Variants in MSS51 observed in about 807,000 individuals in gnomAD.
MSS51 encodes the protein putative protein MSS51 homolog, mitochondrial.
A neutral mutation model predicts 40.2 loss-of-function variants in MSS51; 32 were observed. The observed-to-expected ratio is 0.80, with a 90% confidence interval of 0.60 to 1.07. The LOEUF (loss-of-function observed/expected upper bound fraction) is 1.07. MSS51 is among the 50% of genes least tolerant of loss of function. The pLI, the probability that MSS51 is intolerant of heterozygous loss-of-function variation, is 0.00. For synonymous variants in MSS51, 178 were observed against 214.2 expected, an observed-to-expected ratio of 0.83 and a Z score of 1.48; for missense variants, 518 against 568.9, an observed-to-expected ratio of 0.91 and a Z score of 0.91.
rs2055969164 is a variant in MSS51 at position 73,424,757 on chromosome 10, T to C, written c.1179A>G (p.Val393=). Residue 393 remains valine (V), a synonymous_variant, in exon 7 of 7, where the codon GTA becomes GTG. Coordinates refer to ENST00000299432, the MANE Select transcript of MSS51 (RefSeq NM_001024593.2). ...LITVYSHQEL[V]SSLQILVELD... ...GTTCCACCAGAATCTGCAAAGAGGA[T>C]ACCAACTCCTGATGGCTGTAGAAGA... 6.2e-7 allele frequency: 1 copy of C among 1,613,594 alleles called. No individual in the cohort carries two copies. The highest frequency in any genetic ancestry group is 1.1e-5 in the South Asian group (1 of 91,068).
chr10:73,432,466 TA>T (rs1180836560), intron 1 of MSS51, among the ~76,000 whole-genome samples: 2 of 152,166 alleles, frequency 1.3e-5, no homozygotes, highest in Non-Finnish European at 2.9e-5. Context: ...TCCCTGAAGT[TA>T]AAACATAAGC....
chr10:73,426,102 T>C lies in MSS51; in HGVS notation c.778A>G (p.Thr260Ala). 1.2e-6 allele frequency: 2 copies of C among 1,614,118 alleles called. No homozygotes were observed. The highest frequency in any genetic ancestry group is 1.7e-6 in the Non-Finnish European group (2 of 1,179,988). The change falls in exon 5 of 7, where the codon ACT (threonine) becomes GCT (alanine). Residue 260 changes from threonine to alanine, a missense_variant. Physicochemically the swap from Thr to Ala is moderately conservative, Grantham distance 58. Coordinates refer to ENST00000299432, the MANE Select transcript of MSS51 (RefSeq NM_001024593.2). ...LRALGIDVRR[T>A]GGSTVHVVGA... ...ACCACATGCACTGTGCTTCCCCCAG[T>C]CCTCCTAACATCTATCCCCAAGGCC...
chr10:73,425,213 G>GGGAATA, intron 5 of MSS51, 22 bp from the exon 6 acceptor site: 2 of 1,516,182 alleles, frequency 1.3e-6, no homozygotes, highest in South Asian at 2.5e-5. Context: ...AAATGAAAAT[G>GGGAATA]GGAATAGGGA....
intron 3 of MSS51, 91 bp downstream of exon 3, chr10:73,427,522 C>T (rs2055997817): frequency 4.3e-6 from 6 of 1,409,050 alleles, no homozygotes; most frequent in Non-Finnish European, 5.8e-6. Context: ...CCTCGGCCTC[C>T]CAAGGTGCTG....
At position 73,429,862 on chromosome 10, in the gene MSS51, T is replaced by C. The variant is rs187516099; in HGVS notation, c.-17-1561A>G. Among the ~76,000 whole-genome samples the C allele has an allele frequency of 3.3e-5, 5 of 152,292 alleles. No homozygotes were observed. In the East Asian group the frequency reaches 7.7e-4, roughly 23 times the overall value. ...TAGATGTAGACTATAAGGTACTATA[T>C]AAATCCAACCAGAAAAGTGCAACTA... On this transcript the variant is annotated intron_variant, in intron 1 of 6. Transcript: ENST00000299432.
rs111479387 is a variant in MSS51, at chr10:73,427,744, G to A, written c.246C>T (p.Pro82=). 65 of 1,613,984 alleles carry A rather than the reference G, an allele frequency of 4.0e-5. No homozygotes were observed. The South Asian group carries it at 5.7e-4, about 14-fold the overall frequency. The stretch of plus-strand genomic sequence containing the variant: ...GACATCGAAATCCAAAGCCTGATAC[G>A]GGGGTACCCCCATCTACCACCAACC... ...EYKLVVDGGT[P]VSGFGFRCPQ... is the part of the protein sequence containing the mutation. Residue 82 remains proline (P), a synonymous_variant, in exon 3 of 7, where the codon CCC becomes CCT. Transcript: ENST00000299432.
chr10:73,428,391 C>G, intron 1 of MSS51, 90 bp from the exon 2 acceptor site: 1 of 1,005,466 alleles, frequency 9.9e-7, no homozygotes, highest in Non-Finnish European at 1.4e-6. Flanking sequence ...TTTCATTTCT[C>G]ATTCCAGTCT....
At chr10:73,427,367 T>C (rs2055997003) in intron 3 of MSS51, among the ~76,000 whole-genome samples, 1 of 145,122 alleles carries the variant, frequency 6.9e-6, no homozygotes, top group South Asian at 2.3e-4. Flanking sequence ...AACCTCTGCC[T>C]CCTGGGTTCA....
intron 4 of MSS51, 31 bp from the exon 5 acceptor site, chr10:73,426,408 A>G (rs781106831): frequency 1.3e-6 from 2 of 1,590,640 alleles, no homozygotes; most frequent in African/African-American, 2.7e-5. Context: ...GAAGTAACCT[A>G]ATGCTTTCCT....
intron 1 of MSS51, chr10:73,429,550 T>G: frequency 2.2e-6 from 1 of 454,464 alleles, no homozygotes; most frequent in Non-Finnish European, 4.4e-6. Flanking sequence ...CTAAGAGTTA[T>G]GTAGTCAAGC....
intron 5 of MSS51, 105 bp from the exon 6 acceptor site, chr10:73,425,296 C>T: frequency 1.5e-6 from 1 of 678,946 alleles, no homozygotes; most frequent in South Asian, 1.9e-5. Flanking sequence ...TTGCTTATCC[C>T]CAGTCATTAT....
chr10:73,425,706 T>C, intron 5 of MSS51, 105 bp downstream of exon 5: 2 of 930,830 alleles, frequency 2.1e-6, no homozygotes, highest in South Asian at 3.9e-5. Flanking sequence ...TGTCATCATA[T>C]TGTGTTTAAT....
At chr10:73,429,395 A>G (rs2056012247) in intron 1 of MSS51, among the ~76,000 whole-genome samples, 1 of 152,256 alleles carries the variant, frequency 6.6e-6, no homozygotes, top group African/African-American at 2.4e-5. Flanking sequence ...AAGCAATAGA[A>G]GTTTTAATTC....
rs759933207 is a variant in MSS51, at chr10:73,426,090, T to C, written c.790A>G (p.Thr264Ala). The stretch of plus-strand genomic sequence containing the variant: ...TGGGAAGCACCAACCACATGCACTG[T>C]GCTTCCCCCAGTCCTCCTAACATCT... Reference protein sequence around the residue: ...GIDVRRTGGSTVHVVGASHVE... With the variant: ...GIDVRRTGGSAVHVVGASHVE... The change falls in exon 5 of 7, where the codon ACA becomes GCA. Residue 264 changes from threonine (T) to alanine (A), a missense_variant. Thr to Ala is a moderately conservative substitution (Grantham distance 58). Coordinates refer to ENST00000299432, the MANE Select transcript of MSS51 (RefSeq NM_001024593.2). The C allele has an allele frequency of 6.2e-7, 1 of 1,614,228 alleles. No homozygotes were observed. Among genetic ancestry groups the C allele is most frequent in the Non-Finnish European group, 8.5e-7 (1 of 1,180,036 alleles).
intron 1 of MSS51, among the ~76,000 whole-genome samples, chr10:73,432,325 C>T (rs1289019716): frequency 1.3e-5 from 2 of 152,124 alleles, no homozygotes; most frequent in Non-Finnish European, 2.9e-5. Context: ...GCATGAGCCA[C>T]GGCGCCCGGC....
intron 3 of MSS51, 67 bp downstream of exon 3, chr10:73,427,546 G>T: frequency 6.6e-7 from 1 of 1,504,082 alleles, no homozygotes; most frequent in South Asian, 1.3e-5. Flanking sequence ...TTACAGGCAT[G>T]AGTCATCATG....
rs1375433871 is a variant in MSS51 at position 73,427,761 on chromosome 10, C to T, written c.229G>A (p.Val77Ile). The part of the protein sequence containing the change: ...MKSYEEYKLV[V>I]DGGTPVSGFG... ...CCTGATACGGGGGTACCCCCATCTA[C>T]CACCAACCTGCAGAGACAGCATGGA... is the stretch of plus-strand genomic sequence containing the variant. The change falls in exon 3 of 7, where the codon GTA becomes ATA. Residue 77 changes from valine to isoleucine, a missense_variant. Val to Ile is a conservative substitution (Grantham distance 29). Coordinates refer to ENST00000299432, the MANE Select transcript of MSS51 (RefSeq NM_001024593.2). 1 of 1,613,900 alleles carries T rather than the reference C, an allele frequency of 6.2e-7. No individual in the cohort carries two copies. The highest frequency in any genetic ancestry group is 1.1e-5 in the South Asian group (1 of 91,004).
In MSS51 at chr10:73,425,859, C is replaced by T. The variant is rs1246144259; in HGVS notation, c.1021G>A (p.Glu341Lys). The change falls in exon 5 of 7, where the codon GAG (glutamate) becomes AAG (lysine). Residue 341 changes from glutamate (E) to lysine (K), a missense_variant. Physicochemically the swap from Glu to Lys is moderately conservative, Grantham distance 56 (BLOSUM62 1). Coordinates refer to ENST00000299432, the MANE Select transcript of MSS51 (RefSeq NM_001024593.2). ...LYHDFWEEQV[E>K]TGQTHHPDLV... ...TCTGGATGGTGTGTCTGCCCGGTCT[C>T]TACTTGCTCCTCCCAGAAGTCATGG... 1 of 1,613,992 alleles carries T rather than the reference C, an allele frequency of 6.2e-7. No homozygotes were observed. Among genetic ancestry groups the T allele is most frequent in the Non-Finnish European group, 8.5e-7 (1 of 1,180,044 alleles).
Position 73,426,116 on chromosome 10 carries a change from A to C in MSS51, c.764T>G (p.Ile255Arg). The part of the protein sequence containing the change: ...TLGLGLRALG[I>R]DVRRTGGSTV... ...GCTTCCCCCAGTCCTCCTAACATCT[A>C]TCCCCAAGGCCCTAAGTCCTAGGCC... The change falls in exon 5 of 7, where the codon ATA (isoleucine) becomes AGA (arginine). Residue 255 changes from isoleucine (I) to arginine (R), a missense_variant. Ile to Arg is a moderately conservative substitution (Grantham distance 97). Transcript: ENST00000299432. 6.2e-7 allele frequency: 1 copy of C among 1,614,196 alleles called. No homozygotes were observed. The highest frequency in any genetic ancestry group is 2.2e-5 in the East Asian group (1 of 44,884).
Sources: allele counts gnomAD v4.1 joint callset (sites outside exome capture counted in the v4.1 genomes callset), GRCh38; gene constraint gnomAD v4.1.1; transcripts MANE v1.5; gene names NCBI Gene and HGNC (gene_info 2026-07-23, HGNC 2026-07-21).